PTPRQ: variants seen among roughly 807,000 people sequenced by gnomAD.
The protein encoded by PTPRQ is phosphatidylinositol phosphatase PTPRQ.
PTPRQ carries 199 observed loss-of-function variants against 246.0 expected under a neutral mutation model. The ratio of observed to expected loss-of-function variants is 0.81; its 90% CI spans 0.72 to 0.91. The LOEUF (loss-of-function observed/expected upper bound fraction) is 0.91, where lower values mean the gene tolerates loss of function less well. Ranked by LOEUF, PTPRQ falls within the 40% of genes least tolerant of loss-of-function variation. The pLI is 0.00. For synonymous variants in PTPRQ, 869 were observed against 853.2 expected (o/e 1.02, Z -0.32); for missense variants, 2,624 against 2,528.4 (o/e 1.04, Z -0.81).
chr12:80,479,035 G>T (rs1402145693), intron 8 of PTPRQ, among the ~76,000 whole-genome samples: 1 of 151,722 alleles, frequency 6.6e-6, no homozygotes, highest in Non-Finnish European at 1.5e-5. Context: ...ACACCACAAA[G>T]ATACTCCTTG....
chr12:80,608,227 A>G (rs1023808704), intron 27 of PTPRQ, among the ~76,000 whole-genome samples: 20 of 150,696 alleles, frequency 1.3e-4, no homozygotes, highest in African/African-American at 4.1e-4. Flanking sequence ...CACTTCAAAA[A>G]TGATGAAAGA....
At chr12:80,601,068 G>GT (rs1209480689) in intron 26 of PTPRQ, among the ~76,000 whole-genome samples, 1 of 151,722 alleles carries the variant, frequency 6.6e-6, no homozygotes, top group Non-Finnish European at 1.5e-5. Flanking sequence ...TTGTTTAAAT[G>GT]TTATCTGCTT....
intron 39 of PTPRQ, among the ~76,000 whole-genome samples, chr12:80,665,410 T>G (rs1900754536): frequency 6.6e-6 from 1 of 152,048 alleles, no homozygotes; most frequent in South Asian, 2.1e-4. Context: ...ACTTTCAAAT[T>G]TATGTCTCTA....
chr12:80,479,095 T>C (rs964702916), intron 8 of PTPRQ, among the ~76,000 whole-genome samples: 5 of 151,378 alleles, frequency 3.3e-5, no homozygotes, highest in African/African-American at 9.8e-5. Context: ...AAAGTTGAAA[T>C]GAAGGAAAAA....
chr12:80,450,485 G>A (rs966126183), intron 3 of PTPRQ, among the ~76,000 whole-genome samples: 5 of 152,142 alleles, frequency 3.3e-5, no homozygotes, highest in African/African-American at 9.7e-5. Context: ...TCTGGTTTTT[G>A]CCCATTCAGT....
chr12:80,586,183 C>T (rs1431971716), intron 25 of PTPRQ, among the ~76,000 whole-genome samples: 15 of 151,612 alleles, frequency 9.9e-5, no homozygotes, highest in Admixed American at 6.6e-4. Flanking sequence ...TGAATAATGC[C>T]GCAATAAACA....
In PTPRQ at chr12:80,622,035, T is replaced by C. The variant is rs12321385; in HGVS notation, c.5613-26T>C. ...GAAAAATCACATGATATGCAAAGTGTTGATTTTTCTTTTTTTATTTTATAG... is the reference window on the plus strand; with the variant it reads ...GAAAAATCACATGATATGCAAAGTGCTGATTTTTCTTTTTTTATTTTATAG... On this transcript the variant is annotated intron_variant, in intron 32 of 44. Coordinates refer to ENST00000644991, the MANE Select transcript of PTPRQ (RefSeq NM_001145026.2). 1.7e-3 allele frequency: 2,224 copies of C among 1,296,480 alleles called. 31 individuals carry two copies. In the African/African-American group the frequency reaches 0.029, roughly 17 times the overall value. 80.3% of individuals were successfully genotyped at this position (1,296,480 alleles called of 1,614,324 possible). A position where few individuals can be genotyped will look rare whatever the true frequency, so the allele number is the denominator to read the frequency against.
chr12:80,673,858 A>T (rs1901052287), intron 43 of PTPRQ, among the ~76,000 whole-genome samples: 1 of 152,114 alleles, frequency 6.6e-6, no homozygotes, highest in African/African-American at 2.4e-5. Context: ...TTTTTATTTT[A>T]AAAAATCACA....
At chr12:80,580,882 G>T (rs1379436914) in intron 25 of PTPRQ, among the ~76,000 whole-genome samples, 2 of 152,124 alleles carry the variant, frequency 1.3e-5, no homozygotes, top group Non-Finnish European at 2.9e-5. Context: ...CCTATAGCCA[G>T]GTTACAAATA....
At chr12:80,472,773 T>C (rs890548254) in intron 8 of PTPRQ, among the ~76,000 whole-genome samples, 5 of 152,194 alleles carry the variant, frequency 3.3e-5, no homozygotes, top group Non-Finnish European at 5.9e-5. Flanking sequence ...AACTTCCTTA[T>C]AAGTATTCAT....
intron 8 of PTPRQ, among the ~76,000 whole-genome samples, chr12:80,476,714 C>T (rs1354644538): frequency 6.6e-6 from 1 of 152,072 alleles, no homozygotes; most frequent in Non-Finnish European, 1.5e-5. Flanking sequence ...AGACTATATG[C>T]CTGTCTTCTA....
chr12:80,636,615 A>G (rs200858318), intron 35 of PTPRQ, among the ~76,000 whole-genome samples: 1 of 152,092 alleles, frequency 6.6e-6, no homozygotes, highest in African/African-American at 2.4e-5. Flanking sequence ...TCTCAATGCA[A>G]TTAATTTTAG....
intron 25 of PTPRQ, among the ~76,000 whole-genome samples, chr12:80,564,292 A>T (rs1896918342): frequency 6.6e-6 from 1 of 152,098 alleles, no homozygotes; most frequent in Non-Finnish European, 1.5e-5. Flanking sequence ...ATATGAGACA[A>T]AAAGAAAACC....
In PTPRQ at chr12:80,523,340, A is replaced by T. The variant is rs149352916; in HGVS notation, c.2679-10675A>T. ...CTCCTGGATTCATTGATTTTTTTGA[A>T]GGGTTTTTTGTGTTTCTATTTCCTT... is the stretch of plus-strand genomic sequence containing the variant. On this transcript the variant is annotated intron_variant, in intron 17 of 44. Transcript: ENST00000644991. Among the ~76,000 whole-genome samples, 889 of 152,098 alleles carry T rather than the reference A, an allele frequency of 5.8e-3. 10 individuals carry two copies. The highest frequency in any genetic ancestry group is 0.021 in the African/African-American group (863 of 41,484).
chr12:80,477,777 C>T (rs769681572), intron 8 of PTPRQ, among the ~76,000 whole-genome samples: 9 of 152,274 alleles, frequency 5.9e-5, no homozygotes, highest in Non-Finnish European at 1.0e-4. Context: ...TGGACGGCAC[C>T]TGGAAAATCG....
chr12:80,574,283 A>G (rs1257694438), intron 25 of PTPRQ, among the ~76,000 whole-genome samples: 1 of 152,086 alleles, frequency 6.6e-6, no homozygotes, highest in Non-Finnish European at 1.5e-5. Context: ...TTTGTATTGT[A>G]TTTAAACTGT....
At chr12:80,518,615 A>C (rs1412301183) in intron 17 of PTPRQ, among the ~76,000 whole-genome samples, 3 of 152,182 alleles carry the variant, frequency 2.0e-5, no homozygotes, top group African/African-American at 7.2e-5. Flanking sequence ...TTGAGGTCTT[A>C]GATTTAAGTC....
chr12:80,465,329 C>T (rs561618080), intron 6 of PTPRQ: 1 of 152,348 alleles, frequency 6.6e-6, no homozygotes, highest in East Asian at 1.9e-4. Flanking sequence ...TCTGAATAGA[C>T]CACTAACAGG....
chr12:80,605,166 A>G lies in PTPRQ; in HGVS notation c.4717A>G (p.Ile1573Val), dbSNP rs1199746134. 6.5e-7 allele frequency: 1 copy of G among 1,541,146 alleles called. No individual in the cohort carries two copies. Among genetic ancestry groups the G allele is most frequent in the Non-Finnish European group, 8.8e-7 (1 of 1,141,446 alleles). Residue 1573 changes from isoleucine (I) to valine (V), a missense_variant, in exon 27 of 45, where the codon ATT becomes GTT. By Grantham distance (29) the Ile-to-Val change is conservative. Coordinates refer to ENST00000644991, the MANE Select transcript of PTPRQ (RefSeq NM_001145026.2). ...AVITGPTCYL[I>V]DVKSVDNDEF... Reference sequence around the variant, plus strand: ...CATTACTGGACCAACATGTTATCTGATTGATGTCAAATCGGTAAGGCATGT... The same window carrying G: ...CATTACTGGACCAACATGTTATCTGGTTGATGTCAAATCGGTAAGGCATGT...
Sources: gnomAD v4.1 joint callset for allele counts (sites outside exome capture counted in the v4.1 genomes callset) on GRCh38, gnomAD v4.1.1 for gene constraint, MANE v1.5 for transcripts, NCBI Gene and HGNC (gene_info 2026-07-23, HGNC 2026-07-21) for gene names.